Variants in LMBR1L observed in about 807,000 individuals in gnomAD.
LMBR1L encodes the protein protein LMBR1L.
In LMBR1L, 47 loss-of-function variants were observed where a neutral mutation model predicts 67.3. The observed-to-expected ratio is 0.70, with a 90% CI of 0.55 to 0.89. The LOEUF (loss-of-function observed/expected upper bound fraction) is 0.89. Ranked by LOEUF, LMBR1L falls within the 40% of genes least tolerant of loss-of-function variation. LMBR1L has a pLI of 0.00. For synonymous variants in LMBR1L, 247 were observed against 250.3 expected (o/e 0.99, Z 0.13); for missense variants, 533 against 599.2 (o/e 0.89, Z 1.15).
chr12:49,106,466 C>T, intron 2 of LMBR1L: 1 of 764,352 alleles, frequency 1.3e-6, no homozygotes. Flanking sequence ...CCCCCACCCC[C>T]AATTACACAA....
chr12:49,107,647 C>G (rs947327182), intron 1 of LMBR1L, among the ~76,000 whole-genome samples: 2 of 152,224 alleles, frequency 1.3e-5, no homozygotes, highest in Non-Finnish European at 2.9e-5. Context: ...ATTTAATCCT[C>G]TACCCCTAAC....
In LMBR1L at chr12:49,098,121, C is replaced by T; in HGVS notation, c.1241-16G>A. 1.9e-6 allele frequency: 3 copies of T among 1,605,682 alleles called. No individual in the cohort carries two copies. Among genetic ancestry groups the T allele is most frequent in the Non-Finnish European group, 2.6e-6 (3 of 1,173,524 alleles). Reference sequence around the variant, plus strand: ...CGAGTGAGCCCTGAAGCACAAAGGCCAGGATGAGAGGTGGGCTCCCCAGGC... The same window carrying T: ...CGAGTGAGCCCTGAAGCACAAAGGCTAGGATGAGAGGTGGGCTCCCCAGGC... On this transcript the variant is annotated splice_polypyrimidine_tract_variant and intron_variant, in intron 15 of 16. Coordinates refer to ENST00000267102, the MANE Select transcript of LMBR1L (RefSeq NM_018113.4).
chr12:49,104,058 A>C, intron 5 of LMBR1L: 1 of 507,808 alleles, frequency 2.0e-6, no homozygotes, highest in Non-Finnish European at 3.5e-6. Flanking sequence ...GTGCTCTGGG[A>C]GGCTGACCTC....
intron 8 of LMBR1L, 73 bp from the exon 9 acceptor site, chr12:49,102,613 C>G: frequency 6.9e-7 from 1 of 1,456,100 alleles, no homozygotes; most frequent in Non-Finnish European, 9.6e-7. Context: ...GAACCCTGTT[C>G]TTCCCAGGGC....
chr12:49,101,341 A>T lies in LMBR1L; in HGVS notation c.1009-18T>A. 6.2e-7 allele frequency: 1 copy of T among 1,613,268 alleles called. No homozygotes were observed. The highest frequency in any genetic ancestry group is 8.5e-7 in the Non-Finnish European group (1 of 1,179,210). On this transcript the variant is annotated intron_variant, in intron 12 of 16. Coordinates refer to ENST00000267102, the MANE Select transcript of LMBR1L (RefSeq NM_018113.4). Reference sequence around the variant, plus strand: ...GAGGTACCCTGAGGAGTGGGGCAGTATCACTGTGAGCATTCCCCACCATCA... The same window carrying T: ...GAGGTACCCTGAGGAGTGGGGCAGTTTCACTGTGAGCATTCCCCACCATCA...
At chr12:49,102,245 C>G in intron 10 of LMBR1L, 48 bp downstream of exon 10, 1 of 1,613,390 alleles carries the variant, frequency 6.2e-7, no homozygotes, top group South Asian at 1.1e-5. Context: ...CCAGGGGCTA[C>G]TCTCCTTGGG....
intron 2 of LMBR1L, 180 bp from the exon 3 acceptor site, chr12:49,106,137 G>C: frequency 1.7e-6 from 1 of 578,718 alleles, no homozygotes; most frequent in Non-Finnish European, 3.1e-6. Context: ...AGCCAAGGTG[G>C]CAGCTTAAAA....
At chr12:49,109,607 C>A in intron 1 of LMBR1L, 2 of 438,426 alleles carry the variant, frequency 4.6e-6, no homozygotes, top group Non-Finnish European at 9.1e-6. Context: ...CATTTACTAT[C>A]TGGAGATGAG....
At chr12:49,109,391 G>C (rs535746902) in intron 1 of LMBR1L, among the ~76,000 whole-genome samples, 14 of 151,946 alleles carry the variant, frequency 9.2e-5, no homozygotes, top group Non-Finnish European at 2.1e-4. Context: ...CACTTCTACT[G>C]GAGTTGCACA....
intron 2 of LMBR1L, 181 bp downstream of exon 2, chr12:49,106,780 C>T (rs1472024884): frequency 2.4e-6 from 2 of 827,528 alleles, no homozygotes; most frequent in South Asian, 2.9e-5. Flanking sequence ...ACTTGCCCAG[C>T]AGACACATCC....
At chr12:49,101,668 TG>T in intron 11 of LMBR1L, 119 bp from the exon 12 acceptor site, 1 of 704,430 alleles carries the variant, frequency 1.4e-6, no homozygotes, top group Non-Finnish European at 2.5e-6. Flanking sequence ...CTGCTTCCAA[TG>T]AGCTATATGG....
chr12:49,105,869 T>C, intron 3 of LMBR1L, 55 bp downstream of exon 3: 2 of 1,494,396 alleles, frequency 1.3e-6, no homozygotes, highest in Non-Finnish European at 1.9e-6. Context: ...CAGGCCTCCC[T>C]AGATCCCAGT....
Position 49,104,466 on chromosome 12 carries a change from G to A in LMBR1L, c.417C>T (p.Gly139=), listed in dbSNP as rs35974488. ...PFAYFFTESE[G]FAGSRKGVLG... is the part of the protein sequence containing the mutation. The stretch of plus-strand genomic sequence containing the variant: ...TACTTACCTTTCTGGAGCCAGCAAA[G>A]CCCTCAGACTCAGTGAAGAAATATG... The change falls in exon 5 of 17, where the codon GGC becomes GGT. Residue 139 remains glycine (G), a synonymous_variant. Transcript: ENST00000267102. 1 of 1,612,522 alleles carries A rather than the reference G, an allele frequency of 6.2e-7. No homozygotes were observed. The highest frequency in any genetic ancestry group is 8.5e-7 in the Non-Finnish European group (1 of 1,178,568).
At position 49,106,992 on chromosome 12, in the gene LMBR1L, G is replaced by C; in HGVS notation, c.126C>G (p.Thr42=). Residue 42 remains threonine (T), a synonymous_variant, in exon 2 of 17, where the codon ACC becomes ACG. Transcript: ENST00000267102. The stretch of plus-strand genomic sequence containing the variant: ...TGAACTCAGCAGGCTTCTTGAAGCG[G>C]GTCAGGAAGATGTGGCAGAGGATGT... ...TLYILCHIFL[T]RFKKPAEFTT... 6.2e-7 allele frequency: 1 copy of C among 1,613,458 alleles called. No individual in the cohort carries two copies. The highest frequency in any genetic ancestry group is 8.5e-7 in the Non-Finnish European group (1 of 1,179,368).
chr12:49,101,933 G>C (rs190960156), intron 11 of LMBR1L, 187 bp downstream of exon 11: 1 of 601,814 alleles, frequency 1.7e-6, no homozygotes, highest in East Asian at 2.8e-5. Context: ...CTGTCTCTTC[G>C]TCTACAAAAT....
chr12:49,102,492 C>A lies in LMBR1L; in HGVS notation c.745G>T (p.Ala249Ser). Reference protein sequence around the residue: ...EQLYCSAFEEAALTRRICNPT... With the variant: ...EQLYCSAFEESALTRRICNPT... ...CTACAGATCCTGCGGGTCAGGGCTG[C>A]CTCCTCAAAGGCTGAGCAGTACAGC... Residue 249 changes from alanine (A) to serine (S), a missense_variant, in exon 9 of 17, where the codon GCA (alanine) becomes TCA (serine). Transcript: ENST00000267102. The A allele has an allele frequency of 6.2e-7, 1 of 1,614,202 alleles. No homozygotes were observed. Among genetic ancestry groups the A allele is most frequent in the Non-Finnish European group, 8.5e-7 (1 of 1,180,022 alleles).
In LMBR1L at chr12:49,102,326, C is replaced by T; in HGVS notation, c.820G>A (p.Val274Ile). The T allele has an allele frequency of 6.2e-7, 1 of 1,614,244 alleles. No homozygotes were observed. Among genetic ancestry groups the T allele is most frequent in the South Asian group, 1.1e-5 (1 of 91,090 alleles). ...ACCCTCTGTGTCTGCAGAGCCAGGA[C>T]CTGTCTGTGTAGCAGCTCCATGTCT... ...PLDMELLHRQ[V>I]LALQTQRVLL... Residue 274 changes from valine to isoleucine, a missense_variant, in exon 10 of 17, where the codon GTC (valine) becomes ATC (isoleucine). Around this residue, in one of 3 missense-constraint regions of LMBR1L, gnomAD observed 64 missense variants for 109.0 expected, o/e 0.59. Coordinates refer to ENST00000267102, the MANE Select transcript of LMBR1L (RefSeq NM_018113.4).
chr12:49,104,787 CGAGGCAGG>C lies in LMBR1L; in HGVS notation c.282_289del (p.Leu95GlufsTer39), dbSNP rs751238076. Reference sequence around the variant, plus strand: ...GTTGAGCCACTGGATGTAGTAGTTCCGAGGCAGGGAGAGCAGCACCTCATTGCTGATGA... The same window carrying C: ...GTTGAGCCACTGGATGTAGTAGTTCCGAGAGCAGCACCTCATTGCTGATGA... On this transcript the variant is annotated frameshift_variant, in exon 4 of 17. Transcript: ENST00000267102. LOFTEE classifies it high-confidence loss of function. 3 of 1,613,552 alleles carry C rather than the reference CGAGGCAGG, an allele frequency of 1.9e-6. No individual in the cohort carries two copies. The African/African-American group carries it at 4.0e-5, about 22-fold the overall frequency.
At chr12:49,106,127 A>C in intron 2 of LMBR1L, 170 bp from the exon 3 acceptor site, 1 of 590,328 alleles carries the variant, frequency 1.7e-6, no homozygotes, top group Admixed American at 3.4e-5. Flanking sequence ...CCTGTTCTCC[A>C]GCCAAGGTGG....
Sources: gnomAD v4.1 joint callset for allele counts (sites outside exome capture counted in the v4.1 genomes callset) on GRCh38, gnomAD v4.1.1 for gene constraint, gnomAD v4.1.1 regional missense constraint, MANE v1.5 for transcripts, NCBI Gene and HGNC (gene_info 2026-07-23, HGNC 2026-07-21) for gene names.